The following DAAM1 variants were observed in gnomAD, a reference collection of about 807,000 sequenced individuals.
DAAM1 encodes disheveled-associated activator of morphogenesis 1.
A neutral mutation model predicts 130.0 loss-of-function variants in DAAM1; 52 were observed. That is an observed-to-expected ratio of 0.40 (90% CI 0.32 to 0.50). The LOEUF (loss-of-function observed/expected upper bound fraction) is 0.50, where lower values mean the gene tolerates loss of function less well. Ranked by LOEUF, DAAM1 falls within the 20% of genes least tolerant of loss-of-function variation. The pLI is 0.61. For synonymous variants in DAAM1, 452 were observed against 444.5 expected (o/e 1.02, Z -0.21); for missense variants, 1,134 against 1,303.8 (o/e 0.87, Z 2.01).
chr14:59,240,738 A>C (rs1881074993), intron 1 of DAAM1, among the ~76,000 whole-genome samples: 4 of 152,256 alleles, frequency 2.6e-5, no homozygotes, highest in Admixed American at 2.0e-4. Flanking sequence ...ATCCAGCCAC[A>C]TAAAGATCTC....
At chr14:59,224,948 A>T (rs1366565593) in intron 1 of DAAM1, among the ~76,000 whole-genome samples, 1 of 147,038 alleles carries the variant, frequency 6.8e-6, no homozygotes, top group East Asian at 2.1e-4. Flanking sequence ...GACATCGAGT[A>T]TGCTGGCACC....
intron 1 of DAAM1, among the ~76,000 whole-genome samples, chr14:59,222,569 A>G (rs968526350): frequency 2.0e-5 from 3 of 152,148 alleles, no homozygotes; most frequent in African/African-American, 7.2e-5. Flanking sequence ...GCCCATGCCT[A>G]ACCTCCATCC....
At chr14:59,367,074 A>G (rs575008083) in intron 23 of DAAM1, among the ~76,000 whole-genome samples, 58 of 152,280 alleles carry the variant, frequency 3.8e-4, no homozygotes, top group African/African-American at 1.3e-3. Flanking sequence ...AGATCACCTG[A>G]GGTCAGAAGT....
intron 1 of DAAM1, among the ~76,000 whole-genome samples, chr14:59,193,906 G>T (rs1335508185): frequency 6.6e-6 from 1 of 152,142 alleles, no homozygotes; most frequent in East Asian, 1.9e-4. Context: ...ATTTGATACC[G>T]ATATTGTATG....
intron 1 of DAAM1, among the ~76,000 whole-genome samples, chr14:59,207,292 T>C (rs1888289173): frequency 6.6e-6 from 1 of 152,234 alleles, no homozygotes; most frequent in Non-Finnish European, 1.5e-5. Flanking sequence ...ACAAAATTCA[T>C]TTGTTTTGCT....
chr14:59,241,019 G>A (rs1400416992), intron 1 of DAAM1, among the ~76,000 whole-genome samples: 1 of 152,230 alleles, frequency 6.6e-6, no homozygotes, highest in Non-Finnish European at 1.5e-5. Flanking sequence ...TACTGTGTGT[G>A]TGTATATGTG....
At chr14:59,275,980 C>A (rs1212002576) in intron 2 of DAAM1, among the ~76,000 whole-genome samples, 4 of 152,162 alleles carry the variant, frequency 2.6e-5, no homozygotes, top group Non-Finnish European at 5.9e-5. Context: ...GTTTACCAAT[C>A]CCTTTTAGGG....
chr14:59,299,602 CAA>C (rs1249966937), intron 3 of DAAM1: 1 of 152,070 alleles, frequency 6.6e-6, no homozygotes, highest in Non-Finnish European at 1.5e-5. Context: ...GTGATAATTT[CAA>C]AAGTGTTGAA....
intron 1 of DAAM1, among the ~76,000 whole-genome samples, chr14:59,255,083 C>T (rs1405380530): frequency 6.6e-6 from 1 of 152,160 alleles, no homozygotes; most frequent in East Asian, 1.9e-4. Context: ...ATGCTAATGG[C>T]TTTTTTGAAC....
chr14:59,244,366 A>G (rs919260463), intron 1 of DAAM1, among the ~76,000 whole-genome samples: 1 of 152,134 alleles, frequency 6.6e-6, no homozygotes, highest in African/African-American at 2.4e-5. Context: ...TGAGATGGAA[A>G]AACAGACCAC....
At chr14:59,224,571 C>G (rs1888876558) in intron 1 of DAAM1, among the ~76,000 whole-genome samples, 1 of 152,188 alleles carries the variant, frequency 6.6e-6, no homozygotes, top group South Asian at 2.1e-4. Context: ...ACATTTGAGT[C>G]TTCCCTATAT....
At chr14:59,311,548 T>C (rs898878344) in intron 3 of DAAM1, among the ~76,000 whole-genome samples, 2 of 145,060 alleles carry the variant, frequency 1.4e-5, no homozygotes, top group Non-Finnish European at 3.0e-5. Flanking sequence ...TATAGAAGTT[T>C]ATAAGTTAAA....
intron 1 of DAAM1, among the ~76,000 whole-genome samples, chr14:59,253,442 AT>A (rs368929812): frequency 5.9e-5 from 9 of 152,228 alleles, no homozygotes; most frequent in African/African-American, 2.2e-4. Flanking sequence ...TCCTGTTGAA[AT>A]TGTATTAAAG....
In DAAM1 at chr14:59,367,499, T is replaced by G. The variant is rs1297655336; in HGVS notation, c.2897T>G (p.Phe966Cys). The G allele has an allele frequency of 6.2e-7, 1 of 1,613,946 alleles. No homozygotes were observed. The highest frequency in any genetic ancestry group is 1.7e-5 in the Admixed American group (1 of 59,992). ...KIQPDEFFGIFDQFLQAVSEA... is the reference protein window; with the variant it reads ...KIQPDEFFGICDQFLQAVSEA... ...CAACCAGATGAGTTCTTTGGCATTTTTGATCAATTTCTTCAAGCTGTGTCA... is the reference window on the plus strand; with the variant it reads ...CAACCAGATGAGTTCTTTGGCATTTGTGATCAATTTCTTCAAGCTGTGTCA... The change falls in exon 24 of 25, where the codon TTT (phenylalanine) becomes TGT (cysteine). Residue 966 changes from phenylalanine (F) to cysteine (C), a missense_variant. By Grantham distance (205) the Phe-to-Cys change is radical (BLOSUM62 -2). Coordinates refer to ENST00000360909, the MANE Select transcript of DAAM1 (RefSeq NM_001270520.2).
chr14:59,320,416 C>A, intron 4 of DAAM1, 74 bp from the exon 5 acceptor site: 1 of 1,157,536 alleles, frequency 8.6e-7, no homozygotes, highest in Non-Finnish European at 1.2e-6. Context: ...GACAAATAAT[C>A]TGTAGGTTTG....
In DAAM1 at chr14:59,363,639, C is replaced by T. The variant is rs1365605479; in HGVS notation, c.2695-12C>T. On this transcript the variant is annotated splice_polypyrimidine_tract_variant and intron_variant, in intron 22 of 24. Transcript: ENST00000360909. ...AAGCCTGCATTGACATTATTCATTT[C>T]CTGTGTTTAAGGAGCTGGAATATCA... 1 of 1,613,786 alleles carries T rather than the reference C, an allele frequency of 6.2e-7. No individual in the cohort carries two copies. Among genetic ancestry groups the T allele is most frequent in the African/African-American group, 1.3e-5 (1 of 74,910 alleles).
chr14:59,296,494 T>G (rs1883959682), intron 3 of DAAM1, among the ~76,000 whole-genome samples: 1 of 152,176 alleles, frequency 6.6e-6, no homozygotes, highest in Non-Finnish European at 1.5e-5. Flanking sequence ...CCAAATTTCT[T>G]GGAGTGGATG....
chr14:59,291,695 G>A (rs1017611917), intron 3 of DAAM1, among the ~76,000 whole-genome samples: 3 of 152,102 alleles, frequency 2.0e-5, no homozygotes, highest in African/African-American at 4.8e-5. Flanking sequence ...TCTCTCTGGT[G>A]TAGCCCCATC....
chr14:59,253,843 C>T (rs952932709), intron 1 of DAAM1, among the ~76,000 whole-genome samples: 5 of 152,168 alleles, frequency 3.3e-5, no homozygotes, highest in African/African-American at 7.2e-5. Flanking sequence ...CCCAGAGTAC[C>T]TCCAGTATCT....
Sources: allele counts gnomAD v4.1 joint callset (sites outside exome capture counted in the v4.1 genomes callset), GRCh38; gene constraint gnomAD v4.1.1; transcripts MANE v1.5; gene names NCBI Gene and HGNC (gene_info 2026-07-23, HGNC 2026-07-21).